Variants in CD96 observed in about 807,000 individuals in gnomAD.
The protein encoded by CD96 is T-cell surface protein tactile.
A neutral mutation model predicts 71.3 loss-of-function variants in CD96; 70 were observed. That is an observed-to-expected ratio of 0.98 (90% CI 0.81 to 1.20). The LOEUF (loss-of-function observed/expected upper bound fraction) is 1.20, where lower values mean the gene tolerates loss of function less well. Ranked by LOEUF, CD96 falls within the 50% of genes most tolerant of loss-of-function variation. CD96 has a pLI of 0.00. For synonymous variants in CD96, 248 were observed against 233.0 expected (o/e 1.06, Z -0.59); for missense variants, 742 against 677.5 (o/e 1.10, Z -1.06).
chr3:111,556,703 C>A (rs1935070161), intron 2 of CD96, among the ~76,000 whole-genome samples: 1 of 146,578 alleles, frequency 6.8e-6, no homozygotes, highest in Non-Finnish European at 1.5e-5. Flanking sequence ...GATTTATAGT[C>A]ATTTGGGTAT....
At chr3:111,582,599 A>T (rs1305570494) in intron 4 of CD96, among the ~76,000 whole-genome samples, 9 of 152,212 alleles carry the variant, frequency 5.9e-5, no homozygotes, top group Non-Finnish European at 1.0e-4. Flanking sequence ...TGATAAAGAC[A>T]TACCCAAAAC....
chr3:111,606,149 G>C (rs1355104266), intron 7 of CD96, among the ~76,000 whole-genome samples: 1 of 152,030 alleles, frequency 6.6e-6, no homozygotes, highest in African/African-American at 2.4e-5. Context: ...AAAAGAAAAA[G>C]TTGTAGCCAA....
chr3:111,588,509 C>G (rs144258566), intron 5 of CD96, among the ~76,000 whole-genome samples: 16,858 of 152,246 alleles, frequency 0.11, 1,080 homozygotes, highest in African/African-American at 0.14. Flanking sequence ...CAACCTCTGC[C>G]TGTTACCCAG....
intron 2 of CD96, among the ~76,000 whole-genome samples, chr3:111,549,554 G>A (rs112771150): frequency 2.8e-4 from 42 of 152,200 alleles, no homozygotes; most frequent in African/African-American, 9.9e-4. Context: ...TCAGTTAGAA[G>A]ACAACAGCAG....
chr3:111,644,113 G>A (rs376649264), intron 12 of CD96, among the ~76,000 whole-genome samples: 5 of 152,130 alleles, frequency 3.3e-5, no homozygotes, highest in African/African-American at 9.7e-5. Context: ...CATCAAAACA[G>A]CATGCTACTG....
rs537453299 is a variant in CD96, at chr3:111,638,092, C to T, written c.1401C>T (p.Thr467=). The change falls in exon 12 of 14, where the codon ACC becomes ACT. Residue 467 remains threonine, a synonymous_variant. Transcript: ENST00000352690. ...TTATATCCCTAGACAATGTCTTTAC[C>T]AGCACAGCCAGAGCATTTTCAGAAG... ...AGSTLHDNVF[T]STARAFSEVP... is the part of the protein sequence containing the mutation. 39 of 1,603,892 alleles carry T rather than the reference C, an allele frequency of 2.4e-5. No individual in the cohort carries two copies. In the South Asian group the frequency reaches 2.9e-4, roughly 12 times the overall value.
chr3:111,567,925 C>T (rs897468396), intron 3 of CD96, among the ~76,000 whole-genome samples: 5 of 152,136 alleles, frequency 3.3e-5, no homozygotes, highest in Non-Finnish European at 7.4e-5. Context: ...ACAGAAAGAA[C>T]AAAGTGTGAT....
At chr3:111,593,906 C>T in intron 5 of CD96, 10 of 1,613,736 alleles carry the variant, frequency 6.2e-6, no homozygotes, top group Non-Finnish European at 8.5e-6. Flanking sequence ...CAGATGCTTC[C>T]ACAGTGCAGT....
chr3:111,572,534 C>G (rs1315024662), intron 3 of CD96, among the ~76,000 whole-genome samples: 1 of 152,086 alleles, frequency 6.6e-6, no homozygotes, highest in Non-Finnish European at 1.5e-5. Context: ...GAATAAGAAT[C>G]ATAAGATAAG....
chr3:111,644,360 A>G (rs1429871519), intron 12 of CD96, among the ~76,000 whole-genome samples: 2 of 152,288 alleles, frequency 1.3e-5, no homozygotes, highest in East Asian at 1.9e-4. Flanking sequence ...TAAAAATTCT[A>G]AAAGATAACA....
intron 5 of CD96, among the ~76,000 whole-genome samples, chr3:111,590,688 A>G (rs1936935579): frequency 1.3e-5 from 2 of 152,192 alleles, no homozygotes; most frequent in Admixed American, 1.3e-4. Context: ...TACAATGAGA[A>G]AAGAGTCTTT....
At chr3:111,567,054 G>T (rs972546394) in intron 2 of CD96, among the ~76,000 whole-genome samples, 3 of 152,132 alleles carry the variant, frequency 2.0e-5, no homozygotes, top group South Asian at 2.1e-4. Context: ...TGTCCACAGT[G>T]GGGGAGGCTG....
At chr3:111,654,797 G>A (rs1940189160), downstream of CD96, among the ~76,000 whole-genome samples, 1 of 152,204 alleles carries the variant, frequency 6.6e-6, no homozygotes, top group Non-Finnish European at 1.5e-5. Flanking sequence ...GTCCAAAGAA[G>A]ATATATCACC....
intron 2 of CD96, among the ~76,000 whole-genome samples, chr3:111,565,985 C>G (rs1016318047): frequency 6.7e-6 from 1 of 149,342 alleles, no homozygotes; most frequent in Non-Finnish European, 1.5e-5. Flanking sequence ...CAGAAATATG[C>G]CATTAAAATG....
At chr3:111,565,034 C>A (rs933776265) in intron 2 of CD96, among the ~76,000 whole-genome samples, 10 of 152,144 alleles carry the variant, frequency 6.6e-5, no homozygotes, top group Admixed American at 1.3e-4. Flanking sequence ...GCACTGACAA[C>A]CTTTTTCTTA....
chr3:111,554,635 G>A (rs1414742935), intron 2 of CD96, among the ~76,000 whole-genome samples: 2 of 151,982 alleles, frequency 1.3e-5, no homozygotes, highest in East Asian at 3.9e-4. Context: ...CAACAGTTCA[G>A]TGTTAAATTA....
intron 2 of CD96, among the ~76,000 whole-genome samples, chr3:111,562,320 G>A (rs540345735): frequency 6.6e-6 from 1 of 152,146 alleles, no homozygotes; most frequent in Admixed American, 6.5e-5. Context: ...CTTATTATGG[G>A]TCACACATCC....
chr3:111,569,974 C>T (rs537900514), intron 3 of CD96, among the ~76,000 whole-genome samples: 107 of 151,170 alleles, frequency 7.1e-4, no homozygotes, highest in African/African-American at 2.5e-3. Flanking sequence ...AGGCTGGGGC[C>T]GTCAAGGCAC....
In CD96 at chr3:111,606,573, TA is replaced by T; in HGVS notation, c.1088-126del. 4 of 683,844 alleles carry T rather than the reference TA, an allele frequency of 5.8e-6. No homozygotes were observed. In the South Asian group the frequency reaches 6.3e-5, roughly 11 times the overall value. 42.4% of individuals were successfully genotyped at this position (683,844 alleles called of 1,614,324 possible). The stretch of plus-strand genomic sequence containing the variant: ...TTATATCCCACTGCCTTGACCTTAA[TA>T]GGGCCCCAATATTGATTTGTTACAT... On this transcript the variant is annotated intron_variant, in intron 7 of 13. Transcript: ENST00000352690.
Sources: gnomAD v4.1 joint callset for allele counts (sites outside exome capture counted in the v4.1 genomes callset) on GRCh38, gnomAD v4.1.1 for gene constraint, MANE v1.5 for transcripts, NCBI Gene and HGNC (gene_info 2026-07-23, HGNC 2026-07-21) for gene names.